The following KLHL29 variants were observed in gnomAD, a reference collection of about 807,000 sequenced individuals.
KLHL29 encodes kelch-like protein 29.
KLHL29 carries 21 observed loss-of-function variants against 80.4 expected under a neutral mutation model. The observed-to-expected ratio is 0.26, with a 90% CI of 0.19 to 0.38. The LOEUF is 0.38. Ranked by LOEUF, KLHL29 falls within the 10% of genes least tolerant of loss-of-function variation. The pLI is 1.00. For missense variants in KLHL29, 867 were observed against 1,223.9 expected, an observed-to-expected ratio of 0.71 and a Z score of 4.35; for synonymous variants, 511 against 526.8, an observed-to-expected ratio of 0.97 and a Z score of 0.41.
chr2:23,563,146 C>T (rs1395173573), intron 3 of KLHL29, among the ~76,000 whole-genome samples: 11 of 152,242 alleles, frequency 7.2e-5, no homozygotes, highest in African/African-American at 2.4e-4. Flanking sequence ...AGGTCATTCC[C>T]GTTTCTTTCA....
At chr2:23,429,414 A>G (rs1473517198) in intron 1 of KLHL29, among the ~76,000 whole-genome samples, 5 of 152,174 alleles carry the variant, frequency 3.3e-5, no homozygotes, top group Admixed American at 2.0e-4. Flanking sequence ...CATTCTACAG[A>G]TGTTTCTTTT....
intron 3 of KLHL29, chr2:23,616,837 C>A (rs35679492): frequency 0.35 from 53,369 of 152,102 alleles, 10,249 homozygotes; most frequent in East Asian, 0.63. Context: ...CACAGCAGGG[C>A]CCCGCTCAGA....
chr2:23,502,350 G>C (rs538560269), intron 2 of KLHL29, among the ~76,000 whole-genome samples: 1 of 152,374 alleles, frequency 6.6e-6, no homozygotes, highest in South Asian at 2.1e-4. Context: ...CCCCAACAAA[G>C]AGAACAGTGT....
At chr2:23,444,428 G>A (rs1407600318) in intron 1 of KLHL29, among the ~76,000 whole-genome samples, 2 of 152,106 alleles carry the variant, frequency 1.3e-5, no homozygotes, top group Non-Finnish European at 2.9e-5. Context: ...GGGTTCAAGC[G>A]ATTCTCCTGC....
At chr2:23,440,086 G>T in intron 1 of KLHL29, among the ~76,000 whole-genome samples, 1 of 151,764 alleles carries the variant, frequency 6.6e-6, no homozygotes, top group Non-Finnish European at 1.5e-5. Context: ...TGTCTCTTTT[G>T]ATCTTTGTTG....
At chr2:23,655,564 G>A (rs1405355707) in intron 5 of KLHL29, among the ~76,000 whole-genome samples, 1 of 152,058 alleles carries the variant, frequency 6.6e-6, no homozygotes, top group Non-Finnish European at 1.5e-5. Flanking sequence ...CTTGTTCTTA[G>A]CAAATTCCCC....
chr2:23,621,996 G>A (rs1225570322), intron 3 of KLHL29, among the ~76,000 whole-genome samples: 3 of 152,162 alleles, frequency 2.0e-5, no homozygotes, highest in Non-Finnish European at 2.9e-5. Flanking sequence ...CCAAAAGGCA[G>A]GTGCACAGTG....
Position 23,550,835 on chromosome 2 carries a change from TG to T in KLHL29, c.-45-11316del, listed in dbSNP as rs1475009994. Among the ~76,000 whole-genome samples, 3 of 152,228 alleles carry T rather than the reference TG, an allele frequency of 2.0e-5. No individual in the cohort carries two copies. The East Asian group carries it at 5.8e-4, about 29-fold the overall frequency. ...TGGGCCACTGATGAACACCATTTCC[TG>T]TGAAGAGGGAGCTTGTTGAATTAGT... On this transcript the variant is annotated intron_variant, in intron 2 of 13. Transcript: ENST00000486442.
intron 2 of KLHL29, among the ~76,000 whole-genome samples, chr2:23,479,924 A>G (rs1450277628): frequency 6.6e-6 from 1 of 152,228 alleles, no homozygotes; most frequent in East Asian, 1.9e-4. Context: ...CAGTTCAGAG[A>G]TTACAGAACC....
intron 1 of KLHL29, among the ~76,000 whole-genome samples, chr2:23,423,257 G>A (rs1662879616): frequency 6.6e-6 from 1 of 152,236 alleles, no homozygotes; most frequent in Non-Finnish European, 1.5e-5. Flanking sequence ...GGGCTCTGCA[G>A]GGCAATTCTG....
chr2:23,387,504 T>TTTATTATTATTA (rs34918880), intron 1 of KLHL29, among the ~76,000 whole-genome samples: 5 of 117,680 alleles, frequency 4.2e-5, no homozygotes, highest in South Asian at 3.0e-4. Flanking sequence ...TCATTCCTGA[T>TTTATTATTATTA]TTATTATTAT....
chr2:23,700,892 A>G lies in KLHL29; in HGVS notation c.2106-2294A>G, dbSNP rs12469552. 0.54 allele frequency among the ~76,000 whole-genome samples: 81,678 copies of G among 151,846 alleles called. 22,675 individuals are homozygous for G. The highest frequency in any genetic ancestry group is 0.79 in the East Asian group (4,073 of 5,146). ...TGGCTGCCCTCTGAGGACGCCTCTC[A>G]GCTCCCCTCTTAAAGACTACATTTC... is the stretch of plus-strand genomic sequence containing the variant. On this transcript the variant is annotated intron_variant, in intron 11 of 13. Coordinates refer to ENST00000486442, the MANE Select transcript of KLHL29 (RefSeq NM_052920.2). The surrounding 1 kb of genome is among the most constrained non-coding windows in gnomAD (Gnocchi z 4.6).
intron 3 of KLHL29, among the ~76,000 whole-genome samples, chr2:23,588,943 A>G (rs1006390188): frequency 3.9e-5 from 6 of 152,186 alleles, no homozygotes; most frequent in African/African-American, 1.4e-4. Flanking sequence ...ATGATTTCAG[A>G]CACCGGGCCT....
intron 1 of KLHL29, among the ~76,000 whole-genome samples, chr2:23,387,356 C>A (rs1268013812): frequency 1.3e-5 from 2 of 152,180 alleles, no homozygotes; most frequent in Non-Finnish European, 2.9e-5. Flanking sequence ...ATACTAGTTT[C>A]AGTCTCTTTA....
At chr2:23,525,733 C>CG (rs1250807253) in intron 2 of KLHL29, among the ~76,000 whole-genome samples, 1 of 129,472 alleles carries the variant, frequency 7.7e-6, no homozygotes, top group South Asian at 2.7e-4. Context: ...CCTGCCCCCC[C>CG]CCCCCACCCG....
intron 1 of KLHL29, among the ~76,000 whole-genome samples, chr2:23,461,721 G>A (rs781197491): frequency 6.6e-5 from 10 of 151,652 alleles, no homozygotes; most frequent in Non-Finnish European, 1.2e-4. Flanking sequence ...TATCTTTGCT[G>A]GGGGGGCAGG....
At chr2:23,485,206 A>T (rs957774767) in intron 2 of KLHL29, among the ~76,000 whole-genome samples, 6 of 152,182 alleles carry the variant, frequency 3.9e-5, no homozygotes, top group Non-Finnish European at 8.8e-5. Flanking sequence ...CTGGCCCCTC[A>T]GCCCCACGTC....
chr2:23,685,370 C>CA (rs1300728150), intron 6 of KLHL29: 1 of 152,380 alleles, frequency 6.6e-6, no homozygotes. Flanking sequence ...GGGTAACGCT[C>CA]ACGTTTCTCT....
intron 2 of KLHL29, among the ~76,000 whole-genome samples, chr2:23,489,305 T>TG (rs1156260135): frequency 6.6e-6 from 1 of 152,038 alleles, no homozygotes; most frequent in Non-Finnish European, 1.5e-5. Context: ...GCCCTGGGGA[T>TG]GGATTGTCTC....
Sources: allele counts gnomAD v4.1 joint callset (sites outside exome capture counted in the v4.1 genomes callset), GRCh38; gene constraint gnomAD v4.1.1; non-coding constraint Gnocchi (gnomAD v3.1); transcripts MANE v1.5; gene names NCBI Gene and HGNC (gene_info 2026-07-23, HGNC 2026-07-21).